Variants in TDRD1 observed in about 807,000 individuals in gnomAD.
The protein encoded by TDRD1 is tudor domain-containing protein 1.
In TDRD1, 37 loss-of-function variants were observed where a neutral mutation model predicts 140.6. The observed-to-expected ratio is 0.26, with a 90% CI of 0.20 to 0.35. The LOEUF (loss-of-function observed/expected upper bound fraction) is 0.35. Among genes scored for constraint, TDRD1 ranks in the 10% least tolerant of loss-of-function variants. The pLI, the probability that TDRD1 is intolerant of heterozygous loss-of-function variation, is 1.00. For synonymous variants in TDRD1, 506 were observed against 475.7 expected, an observed-to-expected ratio of 1.06 and a Z score of -0.83; for missense variants, 1,243 against 1,393.0, an observed-to-expected ratio of 0.89 and a Z score of 1.71.
chr10:114,211,822 T>G (rs776816988), intron 13 of TDRD1, 44 bp from the exon 14 acceptor site: 3 of 1,473,572 alleles, frequency 2.0e-6, no homozygotes, highest in South Asian at 3.1e-5. Flanking sequence ...TATTTACATC[T>G]ACAGTGGAAA....
chr10:114,199,113 A>C, intron 3 of TDRD1, 60 bp from the exon 4 acceptor site: 1 of 1,550,950 alleles, frequency 6.4e-7, no homozygotes, highest in South Asian at 1.2e-5. Context: ...TCCCAAATCT[A>C]GTATTTAAAT....
In TDRD1 at chr10:114,204,718, TCAGGCCATAAAG is replaced by T; in HGVS notation, c.1126-3_1134del. 1 of 1,565,466 alleles carries T rather than the reference TCAGGCCATAAAG, an allele frequency of 6.4e-7. No homozygotes were observed. Among genetic ancestry groups the T allele is most frequent in the Non-Finnish European group, 8.6e-7 (1 of 1,166,092 alleles). The stretch of plus-strand genomic sequence containing the variant: ...TTGTAAGTAACCTGCGTAAAATTTT[TCAGGCCATAAAG>T]TGCTTTGTAGCCAATGTTATCCCAG... On this transcript the variant is annotated splice_acceptor_variant and splice_polypyrimidine_tract_variant and coding_sequence_variant and intron_variant, in exon 10 of 26. Coordinates refer to ENST00000251864, the Ensembl canonical transcript of TDRD1. LOFTEE classifies it high-confidence loss of function.
chr10:114,190,361 T>C (rs1335363727), intron 2 of TDRD1, among the ~76,000 whole-genome samples: 2 of 152,232 alleles, frequency 1.3e-5, no homozygotes, highest in Non-Finnish European at 2.9e-5. Context: ...TGTAGGGTCC[T>C]CAGCTTTTAA....
intron 17 of TDRD1, among the ~76,000 whole-genome samples, chr10:114,218,156 T>C (rs943589085): frequency 6.6e-6 from 1 of 152,230 alleles, no homozygotes; most frequent in African/African-American, 2.4e-5. Context: ...GTTTATTGGA[T>C]AGGTTATGAA....
rs1232005929 is a variant in TDRD1 at position 114,192,585 on chromosome 10, C to T, written c.384+1566C>T. 6.6e-5 allele frequency among the ~76,000 whole-genome samples: 10 copies of T among 152,150 alleles called. 1 individual carries two copies. Among genetic ancestry groups the T allele is most frequent in the Middle Eastern group, 3.4e-3 (1 of 294 alleles). On this transcript the variant is annotated intron_variant, in intron 3 of 25. Coordinates refer to ENST00000251864, the Ensembl canonical transcript of TDRD1. ...CCTCGCAAAGTGCTAGGATTACAGG[C>T]GTGAGCCACCAGATAGTTTTACTTC... is the stretch of plus-strand genomic sequence containing the variant.
At chr10:114,231,563 C>T in exon 26 of TDRD1, 1 of 1,476,244 alleles carries the variant, frequency 6.8e-7, no homozygotes, top group Non-Finnish European at 9.2e-7. Context: ...AGTACAGCAC[C>T]TGGTGTTTTT....
rs762159717 is a variant in TDRD1, at chr10:114,222,581, T to C, written c.2891-6T>C. The C allele has an allele frequency of 6.3e-7, 1 of 1,585,648 alleles. No individual in the cohort carries two copies. The highest frequency in any genetic ancestry group is 8.6e-7 in the Non-Finnish European group (1 of 1,158,084). ...CTTCACAAAAGATTGCTTTTATATA[T>C]TTTAGAAAATCAGGAAAAGCTGTGC... is the stretch of plus-strand genomic sequence containing the variant. On this transcript the variant is annotated splice_region_variant and splice_polypyrimidine_tract_variant and intron_variant, in intron 20 of 25. Transcript: ENST00000251864.
chr10:114,185,194 T>A (rs2033418302), intron 1 of TDRD1, among the ~76,000 whole-genome samples: 1 of 152,166 alleles, frequency 6.6e-6, no homozygotes, highest in Non-Finnish European at 1.5e-5. Context: ...TTGGAGTGTT[T>A]GTTTTTTGTT....
chr10:114,186,193 A>G (rs1438481897), intron 1 of TDRD1, among the ~76,000 whole-genome samples: 1 of 152,024 alleles, frequency 6.6e-6, no homozygotes, highest in Non-Finnish European at 1.5e-5. Context: ...ATTTTAATGC[A>G]CATTCTTTGT....
Position 114,213,145 on chromosome 10 carries a change from C to T in TDRD1, c.1832-201C>T, listed in dbSNP as rs575093587. ...TGGTCTCAAATCGGCCTCGGCCTCCCGGCGTGCTGGAATGAACCATTGCCC... is the reference window on the plus strand; with the variant it reads ...TGGTCTCAAATCGGCCTCGGCCTCCTGGCGTGCTGGAATGAACCATTGCCC... On this transcript the variant is annotated intron_variant, in intron 14 of 25. Coordinates refer to ENST00000251864, the Ensembl canonical transcript of TDRD1. 3.3e-5 allele frequency among the ~76,000 whole-genome samples: 5 copies of T among 152,232 alleles called. No individual in the cohort carries two copies. The South Asian group carries it at 6.2e-4, about 19-fold the overall frequency.
chr10:114,207,218 A>G lies in TDRD1; in HGVS notation c.1384+888A>G, dbSNP rs566337761. 2.6e-4 allele frequency among the ~76,000 whole-genome samples: 39 copies of G among 152,304 alleles called. No homozygotes were observed. In the South Asian group the frequency reaches 7.9e-3, roughly 31 times the overall value. The stretch of plus-strand genomic sequence containing the variant: ...AGATATAATTCATTGTCTCTTACTC[A>G]TTCATCCAGAGGTGATTGCTAGAGT... On this transcript the variant is annotated intron_variant, in intron 11 of 25. Transcript: ENST00000251864.
intron 6 of TDRD1, among the ~76,000 whole-genome samples, chr10:114,202,797 T>C (rs1306722197): frequency 3.9e-5 from 6 of 152,244 alleles, no homozygotes; most frequent in African/African-American, 1.4e-4. Flanking sequence ...AGATTTAAAA[T>C]AATACCTCCA....
intron 16 of TDRD1, among the ~76,000 whole-genome samples, chr10:114,216,859 CT>C (rs1458065821): frequency 1.2e-4 from 18 of 152,144 alleles, no homozygotes; most frequent in Admixed American, 5.9e-4. Flanking sequence ...GTAAATGAGC[CT>C]TTGTCACATT....
At chr10:114,212,566 G>A (rs867812663) in intron 14 of TDRD1, among the ~76,000 whole-genome samples, 24 of 152,084 alleles carry the variant, frequency 1.6e-4, no homozygotes, top group Admixed American at 1.2e-3. Context: ...ATTTCAATTC[G>A]CCTCATTACT....
exon 19 of TDRD1, chr10:114,220,750 C>G (rs749328233): frequency 5.0e-6 from 8 of 1,612,330 alleles, no homozygotes; most frequent in Non-Finnish European, 6.8e-6. Context: ...TGATGAACAT[C>G]TGGTTTTAAA....
chr10:114,205,023 C>G, intron 10 of TDRD1, 130 bp downstream of exon 10: 1 of 721,306 alleles, frequency 1.4e-6, no homozygotes. Context: ...GTGACTGAAC[C>G]CATTCTTGAA....
At position 114,220,593 on chromosome 10, in the gene TDRD1, G is replaced by A; in HGVS notation, c.2520G>A (p.Trp840Ter). 6.2e-7 allele frequency: 1 copy of A among 1,613,118 alleles called. No individual in the cohort carries two copies. The highest frequency in any genetic ancestry group is 8.5e-7 in the Non-Finnish European group (1 of 1,179,166). The change falls in exon 19 of 26, where the codon TGG becomes TGA. Residue 840 changes from tryptophan to a stop codon, truncating the protein, a stop_gained. Transcript: ENST00000251864. LOFTEE classifies it high-confidence loss of function. Reference sequence around the variant, plus strand: ...ATATACAGTCTAGAAACAAACATTGGTCTGAAGAAGCCATAACAAGATTCC... The same window carrying A: ...ATATACAGTCTAGAAACAAACATTGATCTGAAGAAGCCATAACAAGATTCC...
At chr10:114,187,582 G>A (rs913820941) in intron 1 of TDRD1, among the ~76,000 whole-genome samples, 7 of 152,180 alleles carry the variant, frequency 4.6e-5, no homozygotes, top group African/African-American at 1.4e-4. Flanking sequence ...GGTGTTGAAC[G>A]CTGAGATTTT....
chr10:114,192,949 GT>G (rs1303588389), intron 3 of TDRD1, among the ~76,000 whole-genome samples: 1 of 152,032 alleles, frequency 6.6e-6, no homozygotes, highest in African/African-American at 2.4e-5. Flanking sequence ...CCAACATACA[GT>G]TTAGAATAAT....
Sources: gnomAD v4.1 joint callset for allele counts (sites outside exome capture counted in the v4.1 genomes callset) on GRCh38, gnomAD v4.1.1 for gene constraint, MANE v1.5 for transcripts, NCBI Gene and HGNC (gene_info 2026-07-23, HGNC 2026-07-21) for gene names.